The following CDK1 variants were observed in gnomAD, a reference collection of about 807,000 sequenced individuals.
The protein encoded by CDK1 is cyclin dependent kinase 1.
Under a neutral mutation model 34.6 loss-of-function variants are expected in CDK1, and 5 were observed. The ratio of observed to expected loss-of-function variants is 0.14; its 90% CI spans 0.08 to 0.30. CDK1 has a LOEUF of 0.30. Ranked by LOEUF, CDK1 falls within the 10% of genes least tolerant of loss-of-function variation. The pLI, the probability that CDK1 is intolerant of heterozygous loss-of-function variation, is 1.00. For synonymous variants in CDK1, 108 were observed against 114.7 expected, an observed-to-expected ratio of 0.94 and a Z score of 0.37; for missense variants, 157 against 345.7, an observed-to-expected ratio of 0.45 and a Z score of 4.33.
intron 2 of CDK1, among the ~76,000 whole-genome samples, chr10:60,782,868 G>A (rs188384133): frequency 8.4e-4 from 128 of 152,226 alleles, no homozygotes; most frequent in African/African-American, 2.9e-3. Flanking sequence ...CCCTCTTCCA[G>A]TAGTTCAGTG....
At chr10:60,793,219 G>A (rs2080373315) in intron 7 of CDK1, among the ~76,000 whole-genome samples, 2 of 152,032 alleles carry the variant, frequency 1.3e-5, no homozygotes, top group Admixed American at 6.6e-5. Flanking sequence ...TTTATACAAA[G>A]CAGTTTGTAT....
At chr10:60,785,327 G>A (rs1056644214) in intron 3 of CDK1, among the ~76,000 whole-genome samples, 7 of 152,128 alleles carry the variant, frequency 4.6e-5, no homozygotes, top group Non-Finnish European at 7.4e-5. Flanking sequence ...GCTAGAGATT[G>A]GAAGTAGCTT....
At chr10:60,779,415 T>G (rs1169498607) in intron 1 of CDK1, among the ~76,000 whole-genome samples, 1 of 152,174 alleles carries the variant, frequency 6.6e-6, no homozygotes, top group Non-Finnish European at 1.5e-5. Flanking sequence ...TCATTGTGAT[T>G]CAAGTATACC....
At chr10:60,780,975 C>T (rs2080267934) in intron 2 of CDK1, among the ~76,000 whole-genome samples, 1 of 151,910 alleles carries the variant, frequency 6.6e-6, no homozygotes, top group Admixed American at 6.6e-5. Flanking sequence ...AGGGGGAATA[C>T]TGGAGGGAAT....
intron 2 of CDK1, among the ~76,000 whole-genome samples, chr10:60,780,795 G>A (rs936004374): frequency 6.6e-6 from 1 of 152,006 alleles, no homozygotes; most frequent in African/African-American, 2.4e-5. Context: ...CACAAATGAG[G>A]GGTATATCCC....
At chr10:60,783,787 G>A (rs2080292368) in intron 2 of CDK1, among the ~76,000 whole-genome samples, 1 of 152,042 alleles carries the variant, frequency 6.6e-6, no homozygotes, top group South Asian at 2.1e-4. Context: ...CTCATTACCT[G>A]AAGCCCATAT....
intron 5 of CDK1, among the ~76,000 whole-genome samples, chr10:60,790,609 C>G (rs542390911): frequency 3.3e-5 from 5 of 152,072 alleles, no homozygotes; most frequent in African/African-American, 1.2e-4. Context: ...TGATTTTTGT[C>G]CAGATCAATA....
chr10:60,794,084 C>A lies in CDK1; in HGVS notation c.*109C>A. On this transcript the variant is annotated 3_prime_UTR_variant, in exon 8 of 8. Transcript: ENST00000395284. ...ATATTTCTTTGTTATCAAACTTCAG[C>A]TGTACTTCGTCTTCTAATTTCAAAA... 2 of 580,162 alleles carry A rather than the reference C, an allele frequency of 3.4e-6. No homozygotes were observed. Among genetic ancestry groups the A allele is most frequent in the South Asian group, 2.6e-5 (1 of 39,166 alleles). 35.9% of individuals were successfully genotyped at this position (580,162 alleles called of 1,614,324 possible). A position where few individuals can be genotyped will look rare whatever the true frequency, so the allele number is the denominator to read the frequency against.
chr10:60,788,246 GT>G lies in CDK1; in HGVS notation c.489+21del. ...TACACATGAGGCAAGTGGAATAGTGGTTTTTGATGGCTTTTGAATGTGTGTG... is the reference window on the plus strand; with the variant it reads ...TACACATGAGGCAAGTGGAATAGTGGTTTTGATGGCTTTTGAATGTGTGTG... On this transcript the variant is annotated intron_variant, in intron 5 of 7. Coordinates refer to ENST00000395284, the MANE Select transcript of CDK1 (RefSeq NM_001786.5). 1 of 1,526,784 alleles carries G rather than the reference GT, an allele frequency of 6.5e-7. No homozygotes were observed. Among genetic ancestry groups the G allele is most frequent in the Non-Finnish European group, 8.8e-7 (1 of 1,130,446 alleles). The allele number at this position is 1,526,784 out of a possible 1,614,324, so 94.6% of individuals were successfully genotyped here.
intron 4 of CDK1, 27 bp downstream of exon 4, chr10:60,785,814 A>G (rs760824235): frequency 2.0e-5 from 31 of 1,566,850 alleles, no homozygotes; most frequent in Non-Finnish European, 2.6e-5. Flanking sequence ...TTTTATTAAT[A>G]TTTATGCACT....
intron 3 of CDK1, 146 bp downstream of exon 3, chr10:60,785,007 G>A (rs575989674): frequency 2.1e-5 from 14 of 666,456 alleles, no homozygotes; most frequent in Non-Finnish European, 3.1e-5. Flanking sequence ...TGAGAATGCC[G>A]CACATATGTA....
chr10:60,788,332 A>T, intron 5 of CDK1, 102 bp downstream of exon 5: 1 of 822,972 alleles, frequency 1.2e-6, no homozygotes, highest in Non-Finnish European at 1.8e-6. Context: ...AAAGATATCT[A>T]CTCTGTGGCA....
In CDK1 at chr10:60,780,165, T is replaced by C; in HGVS notation, c.-1T>C. ...GGATCTACCATACCCATTGACTAAC[T>C]ATGGAAGATTATACCAAAATAGAGA... is the stretch of plus-strand genomic sequence containing the variant. On this transcript the variant is annotated 5_prime_UTR_variant, in exon 2 of 8. Transcript: ENST00000395284. 6.5e-7 allele frequency: 1 copy of C among 1,531,334 alleles called. No homozygotes were observed. Among genetic ancestry groups the C allele is most frequent in the Non-Finnish European group, 9.0e-7 (1 of 1,105,148 alleles). 94.9% of individuals were successfully genotyped at this position (1,531,334 alleles called of 1,614,324 possible).
chr10:60,780,438 C>A (rs1420541803), intron 2 of CDK1, among the ~76,000 whole-genome samples: 1 of 152,158 alleles, frequency 6.6e-6, no homozygotes, highest in Non-Finnish European at 1.5e-5. Flanking sequence ...TTACAGTCTT[C>A]TGATACTAAA....
In CDK1 at chr10:60,780,310, T is replaced by C. The variant is rs561291417; in HGVS notation, c.37+108T>C. 4 of 690,182 alleles carry C rather than the reference T, an allele frequency of 5.8e-6. No individual in the cohort carries two copies. In the Admixed American group the frequency reaches 6.9e-5, roughly 12 times the overall value. The allele number at this position is 690,182 out of a possible 1,614,324, so 42.8% of individuals were successfully genotyped here. On this transcript the variant is annotated intron_variant, in intron 2 of 7. Coordinates refer to ENST00000395284, the MANE Select transcript of CDK1 (RefSeq NM_001786.5). The stretch of plus-strand genomic sequence containing the variant: ...ATTAAAATTCAACCATTAAGTTGTC[T>C]TGTAGTACCAGTGTGCATTAACATA...
At chr10:60,790,864 C>G (rs1589114271) in intron 5 of CDK1, among the ~76,000 whole-genome samples, 2 of 152,078 alleles carry the variant, frequency 1.3e-5, no homozygotes, top group Non-Finnish European at 2.9e-5. Flanking sequence ...TCTGGATTCT[C>G]TATTTTGTTC....
At chr10:60,791,357 A>G (rs368941676) in intron 5 of CDK1, among the ~76,000 whole-genome samples, 2 of 151,934 alleles carry the variant, frequency 1.3e-5, no homozygotes, top group African/African-American at 4.8e-5. Context: ...GCTGATTTTG[A>G]TTTTGTATAC....
intron 2 of CDK1, chr10:60,783,669 A>G (rs899233443): frequency 1.3e-5 from 2 of 152,136 alleles, no homozygotes; most frequent in Non-Finnish European, 2.9e-5. Context: ...TATCTAGGGA[A>G]TTCAGCCACG....
chr10:60,790,985 T>C (rs2080356096), intron 5 of CDK1, among the ~76,000 whole-genome samples: 1 of 152,186 alleles, frequency 6.6e-6, no homozygotes, highest in Non-Finnish European at 1.5e-5. Flanking sequence ...TTGTTGTTTT[T>C]GCTCAAGATT....
Sources: allele counts gnomAD v4.1 joint callset (sites outside exome capture counted in the v4.1 genomes callset), GRCh38; gene constraint gnomAD v4.1.1; transcripts MANE v1.5; gene names NCBI Gene and HGNC (gene_info 2026-07-23, HGNC 2026-07-21).